Variants in WWOX observed in about 807,000 individuals in gnomAD.
WWOX encodes WW domain containing oxidoreductase, also known as WW domain-containing oxidoreductase.
Under a neutral mutation model 46.2 loss-of-function variants are expected in WWOX, and 69 were observed. That is an observed-to-expected ratio of 1.49 (90% CI 1.23 to 1.82). WWOX has a LOEUF of 1.82. Among genes scored for constraint, WWOX ranks in the 40% most tolerant of loss-of-function variants. The pLI is 0.00. For missense variants in WWOX, 919 were observed against 542.6 expected (o/e 1.69, Z -6.89); for synonymous variants, 359 against 202.6 (o/e 1.77, Z -6.56).
At chr16:79,130,317 C>T (rs944614246) in intron 8 of WWOX, among the ~76,000 whole-genome samples, 2 of 152,100 alleles carry the variant, frequency 1.3e-5, no homozygotes, top group African/African-American at 4.8e-5. Context: ...ATATTGTTTT[C>T]ATTGGATAAT....
Position 78,255,838 on chromosome 16 carries a change from A to C in WWOX, c.516+91549A>C, listed in dbSNP as rs141297849. Among the ~76,000 whole-genome samples, 610 of 152,284 alleles carry C rather than the reference A, an allele frequency of 4.0e-3. 18 individuals are homozygous for C. Among genetic ancestry groups the C allele is most frequent in the Admixed American group, 0.034 (519 of 15,286 alleles). The stretch of plus-strand genomic sequence containing the variant: ...CTCATTTTATTGATGAAGAACTTAA[A>C]GTTCAAAGAAAGGAGTAAATCACGA... On this transcript the variant is annotated intron_variant, in intron 5 of 8. Coordinates refer to ENST00000566780, the MANE Select transcript of WWOX (RefSeq NM_016373.4).
At chr16:78,311,939 G>C (rs545554120) in intron 5 of WWOX, among the ~76,000 whole-genome samples, 1 of 152,146 alleles carries the variant, frequency 6.6e-6, no homozygotes, top group Non-Finnish European at 1.5e-5. Context: ...TCAGAGCTGT[G>C]TTCTTTTGGA....
At chr16:78,773,377 C>T (rs1597586365) in intron 8 of WWOX, among the ~76,000 whole-genome samples, 1 of 152,136 alleles carries the variant, frequency 6.6e-6, no homozygotes, top group East Asian at 1.9e-4. Flanking sequence ...TGGAATGGAC[C>T]ATCCTCTGGT....
intron 8 of WWOX, among the ~76,000 whole-genome samples, chr16:78,937,705 A>C (rs921589407): frequency 6.6e-6 from 1 of 151,170 alleles, no homozygotes; most frequent in Non-Finnish European, 1.5e-5. Flanking sequence ...GCTTACTGCA[A>C]CCTCCGCCTC....
chr16:78,226,482 T>TGTCTTCCCTCCCTCCC, intron 5 of WWOX, among the ~76,000 whole-genome samples: 1 of 134,218 alleles, frequency 7.5e-6, no homozygotes, highest in South Asian at 2.5e-4. Context: ...CTGTCCTGTC[T>TGTCTTCCCTCCCTCCC]TCCCTCCCTC....
Position 78,992,008 on chromosome 16 carries a change from AG to A in WWOX, c.1057-219598del, listed in dbSNP as rs1233281960. ...TCAGGGGGTTGGGAAACTCACCTGA[AG>A]GATCTTCTCCCTCTCCCCACTTTCA... is the stretch of plus-strand genomic sequence containing the variant. On this transcript the variant is annotated intron_variant, in intron 8 of 8. Coordinates refer to ENST00000566780, the MANE Select transcript of WWOX (RefSeq NM_016373.4). Among the ~76,000 whole-genome samples, 6 of 152,332 alleles carry A rather than the reference AG, an allele frequency of 3.9e-5. No individual in the cohort carries two copies. In the South Asian group the frequency reaches 6.2e-4, roughly 16 times the overall value.
In WWOX at chr16:78,209,759, C is replaced by A. The variant is rs1036276215; in HGVS notation, c.516+45470C>A. ...GAGATTAAAAAAAAAAAAAAAGAAA[C>A]CTTGAATAATCATGTACAAATATAA... is the stretch of plus-strand genomic sequence containing the variant. On this transcript the variant is annotated intron_variant, in intron 5 of 8. Transcript: ENST00000566780. Among the ~76,000 whole-genome samples, 37 of 149,478 alleles carry A rather than the reference C, an allele frequency of 2.5e-4. 6 individuals carry two copies. The highest frequency in any genetic ancestry group is 2.1e-3 in the Admixed American group (32 of 14,988).
chr16:78,774,486 C>T (rs9929519), intron 8 of WWOX, among the ~76,000 whole-genome samples: 2 of 150,056 alleles, frequency 1.3e-5, no homozygotes, highest in African/African-American at 4.9e-5. Context: ...AGTTTCTTGA[C>T]AGACCCATTT....
At chr16:78,757,429 T>G (rs1285650626) in intron 8 of WWOX, among the ~76,000 whole-genome samples, 1 of 152,158 alleles carries the variant, frequency 6.6e-6, no homozygotes, top group Admixed American at 6.5e-5. Context: ...TCTGTACCTC[T>G]TGCCTCATCA....
chr16:78,268,440 T>C (rs2079411099), intron 5 of WWOX, among the ~76,000 whole-genome samples: 1 of 152,180 alleles, frequency 6.6e-6, no homozygotes, highest in Non-Finnish European at 1.5e-5. Flanking sequence ...AGAGCTAACC[T>C]TTGTGGATGA....
chr16:78,666,754 G>A (rs547261210), intron 8 of WWOX, among the ~76,000 whole-genome samples: 1 of 152,308 alleles, frequency 6.6e-6, no homozygotes, highest in Non-Finnish European at 1.5e-5. Context: ...GGACTGTTTG[G>A]TTGTGTTCTT....
intron 8 of WWOX, among the ~76,000 whole-genome samples, chr16:78,641,731 C>T (rs945075463): frequency 1.3e-5 from 2 of 152,148 alleles, no homozygotes; most frequent in African/African-American, 4.8e-5. Flanking sequence ...CAGTGATAGA[C>T]CCTGAGTAGC....
rs377748537 is a variant in WWOX at position 78,903,915 on chromosome 16, C to T, written c.1057-307693C>T. On this transcript the variant is annotated intron_variant, in intron 8 of 8. Transcript: ENST00000566780. ...CTTTACAGAGGTGGGTCTGAAGGTACAGAGTGGATAAGTCATTTTCTCCGG... is the reference window on the plus strand; with the variant it reads ...CTTTACAGAGGTGGGTCTGAAGGTATAGAGTGGATAAGTCATTTTCTCCGG... 2.6e-5 allele frequency among the ~76,000 whole-genome samples: 4 copies of T among 152,124 alleles called. No homozygotes were observed. In the East Asian group the frequency reaches 7.7e-4, roughly 29 times the overall value.
intron 8 of WWOX, among the ~76,000 whole-genome samples, chr16:79,020,543 AC>A (rs1473355633): frequency 3.3e-5 from 5 of 152,220 alleles, no homozygotes; most frequent in Admixed American, 3.3e-4. Flanking sequence ...GCTAGCACAT[AC>A]AACACAATCT....
In WWOX at chr16:78,424,927, C is replaced by T. The variant is rs763198963; in HGVS notation, c.663C>T (p.Thr221=). 3 of 1,613,992 alleles carry T rather than the reference C, an allele frequency of 1.9e-6. No individual in the cohort carries two copies. The highest frequency in any genetic ancestry group is 2.7e-5 in the African/African-American group (2 of 74,908). Residue 221 remains threonine, a synonymous_variant, in exon 7 of 9, where the codon ACC becomes ACT. Transcript: ENST00000566780. ...AATFALPWSL[T]KDGLETTFQV... ...CTTTTGCTCTACCCTGGAGTCTCAC[C>T]AAAGATGGCCTGGAGACCACCTTTC...
At chr16:79,066,269 A>G (rs1288732900) in intron 8 of WWOX, among the ~76,000 whole-genome samples, 1 of 152,102 alleles carries the variant, frequency 6.6e-6, no homozygotes, top group African/African-American at 2.4e-5. Context: ...GGTTATCCTC[A>G]GTCATGAGGC....
intron 8 of WWOX, chr16:78,552,694 T>A (rs528984810): frequency 2.0e-5 from 3 of 152,356 alleles, no homozygotes; most frequent in African/African-American, 7.2e-5. Flanking sequence ...TTTCTCCTCC[T>A]AAGAAAAAGC....
intron 8 of WWOX, among the ~76,000 whole-genome samples, chr16:79,129,034 T>G (rs2049820200): frequency 6.6e-6 from 1 of 152,190 alleles, no homozygotes; most frequent in Non-Finnish European, 1.5e-5. Flanking sequence ...TCCAAGTTCA[T>G]TGTCCTGACA....
chr16:78,924,566 T>C (rs2045455549), intron 8 of WWOX, among the ~76,000 whole-genome samples: 1 of 152,176 alleles, frequency 6.6e-6, no homozygotes, highest in South Asian at 2.1e-4. Context: ...CCTTCCACTG[T>C]TGTTAGGAGG....
Sources: gnomAD v4.1 joint callset for allele counts (sites outside exome capture counted in the v4.1 genomes callset) on GRCh38, gnomAD v4.1.1 for gene constraint, MANE v1.5 for transcripts, NCBI Gene and HGNC (gene_info 2026-07-23, HGNC 2026-07-21) for gene names.